The following CSMD3 variants were observed in gnomAD, a reference collection of about 807,000 sequenced individuals.
The protein encoded by CSMD3 is CUB and Sushi multiple domains 3, also known as CUB and sushi domain-containing protein 3.
In CSMD3, 177 loss-of-function variants were observed where a neutral mutation model predicts 435.2. The observed-to-expected ratio is 0.41, with a 90% CI of 0.36 to 0.46. The LOEUF is 0.46. Among genes scored for constraint, CSMD3 ranks in the 20% least tolerant of loss-of-function variants. The probability of loss-of-function intolerance (pLI) is 0.34; values close to 1 mark genes in which losing one functional copy is unlikely to be tolerated. For synonymous variants in CSMD3, 1,656 were observed against 1,520.5 expected, an observed-to-expected ratio of 1.09 and a Z score of -2.07; for missense variants, 4,265 against 4,504.6, an observed-to-expected ratio of 0.95 and a Z score of 1.52.
intron 3 of CSMD3, among the ~76,000 whole-genome samples, chr8:113,188,473 A>T (rs1275931913): frequency 6.6e-6 from 1 of 152,030 alleles, no homozygotes. Flanking sequence ...GATTGAAGCC[A>T]AGTACAATAA....
intron 17 of CSMD3, among the ~76,000 whole-genome samples, chr8:112,665,523 A>C (rs1374802042): frequency 2.0e-5 from 3 of 152,118 alleles, no homozygotes; most frequent in Non-Finnish European, 4.4e-5. Context: ...GTCAATAATA[A>C]ATATATTCTG....
At chr8:113,199,898 T>A (rs2092699480) in intron 3 of CSMD3, among the ~76,000 whole-genome samples, 1 of 151,926 alleles carries the variant, frequency 6.6e-6, no homozygotes, top group African/African-American at 2.4e-5. Flanking sequence ...TTGCTGGAGC[T>A]GCTCTTCCAG....
intron 38 of CSMD3, among the ~76,000 whole-genome samples, chr8:112,364,966 C>T (rs1270745031): frequency 6.6e-6 from 1 of 152,012 alleles, no homozygotes; most frequent in Non-Finnish European, 1.5e-5. Context: ...TTCAGCACAG[C>T]TACATTTGTT....
intron 4 of CSMD3, among the ~76,000 whole-genome samples, chr8:113,145,085 G>A (rs1166818424): frequency 6.6e-6 from 1 of 151,440 alleles, no homozygotes; most frequent in Non-Finnish European, 1.5e-5. Flanking sequence ...TCTGTGTGCA[G>A]AACTGATAAT....
chr8:112,937,576 C>G (rs1048658557), intron 9 of CSMD3, among the ~76,000 whole-genome samples: 16 of 152,026 alleles, frequency 1.1e-4, no homozygotes, highest in African/African-American at 3.9e-4. Flanking sequence ...GTCTTGAACT[C>G]CTGACCTCAG....
intron 1 of CSMD3, among the ~76,000 whole-genome samples, chr8:113,367,678 TCAAA>T (rs1359174494): frequency 6.6e-6 from 1 of 152,090 alleles, no homozygotes; most frequent in Non-Finnish European, 1.5e-5. Context: ...TTTATATTTC[TCAAA>T]CAAGCCAAGC....
At position 112,255,355 on chromosome 8, in the gene CSMD3, T is replaced by C. The variant is rs1200021177; in HGVS notation, c.9935A>G (p.Glu3312Gly). Residue 3312 changes from glutamate (E) to glycine (G), a missense_variant, in exon 62 of 71, where the codon GAG (glutamate) becomes GGG (glycine). By Grantham distance (98) the Glu-to-Gly change is moderately conservative. Around this residue, in one of 3 missense-constraint regions of CSMD3, gnomAD observed 3,255 missense variants for 3,380.2 expected, o/e 0.96. Coordinates refer to ENST00000297405, the MANE Select transcript of CSMD3 (RefSeq NM_198123.2). The stretch of plus-strand genomic sequence containing the variant: ...AGGAAAATTGCAGCTGAATGAAACC[T>C]CTGACTGGTATATAAAGCTTTTGCC... ...REGKSFIYQSEVSFSCNFPFI... is the reference protein window; with the variant it reads ...REGKSFIYQSGVSFSCNFPFI... 2 of 1,613,688 alleles carry C rather than the reference T, an allele frequency of 1.2e-6. No homozygotes were observed. The highest frequency in any genetic ancestry group is 1.7e-6 in the Non-Finnish European group (2 of 1,179,748).
At chr8:112,878,548 C>T (rs2081356168) in intron 10 of CSMD3, among the ~76,000 whole-genome samples, 1 of 152,076 alleles carries the variant, frequency 6.6e-6, no homozygotes, top group Non-Finnish European at 1.5e-5. Flanking sequence ...CCATTTGATC[C>T]AGCAATCTCA....
chr8:112,433,654 C>CAAAAAAAAAAAAAAAAA (rs35572894), intron 32 of CSMD3, among the ~76,000 whole-genome samples: 15 of 93,192 alleles, frequency 1.6e-4, no homozygotes, highest in South Asian at 4.2e-4. Context: ...GAGAACCTGT[C>CAAAAAAAAAAAAAAAAA]AAAAAAAAAA....
At chr8:112,724,937 A>G (rs910088998) in intron 13 of CSMD3, among the ~76,000 whole-genome samples, 1 of 152,062 alleles carries the variant, frequency 6.6e-6, no homozygotes, top group Non-Finnish European at 1.5e-5. Context: ...CAAAGAATCC[A>G]CTATTAGACT....
intron 27 of CSMD3, among the ~76,000 whole-genome samples, chr8:112,540,637 T>G (rs1372036256): frequency 6.6e-6 from 1 of 151,976 alleles, no homozygotes; most frequent in African/African-American, 2.4e-5. Context: ...GTAACATTGG[T>G]GGAGCTAGAG....
At chr8:113,003,120 C>T (rs187425466) in intron 6 of CSMD3, among the ~76,000 whole-genome samples, 4 of 152,134 alleles carry the variant, frequency 2.6e-5, no homozygotes, top group African/African-American at 4.8e-5. Context: ...TGGCACATGC[C>T]TATAATTCCA....
chr8:113,379,079 T>A (rs2094403334), intron 1 of CSMD3, among the ~76,000 whole-genome samples: 1 of 152,142 alleles, frequency 6.6e-6, no homozygotes, highest in Non-Finnish European at 1.5e-5. Flanking sequence ...ATTTACATTT[T>A]AAAAATCATT....
At chr8:112,386,336 C>G (rs942738528) in intron 36 of CSMD3, among the ~76,000 whole-genome samples, 4 of 151,988 alleles carry the variant, frequency 2.6e-5, no homozygotes, top group African/African-American at 9.7e-5. Flanking sequence ...CACTGGGATT[C>G]GAGGTACATT....
intron 10 of CSMD3, among the ~76,000 whole-genome samples, chr8:112,912,136 G>T (rs1260915004): frequency 6.7e-6 from 1 of 149,506 alleles, no homozygotes; most frequent in East Asian, 2.0e-4. Context: ...AACAATGGAT[G>T]ATTCTTCATT....
intron 36 of CSMD3, 130 bp from the exon 37 acceptor site, chr8:112,383,793 T>G: frequency 1.4e-6 from 1 of 699,832 alleles, no homozygotes; most frequent in Non-Finnish European, 2.6e-6. Flanking sequence ...CATAGAAGGG[T>G]TTTTAACAGA....
intron 11 of CSMD3, among the ~76,000 whole-genome samples, chr8:112,838,585 C>T (rs2080094259): frequency 6.6e-6 from 1 of 151,510 alleles, no homozygotes; most frequent in African/African-American, 2.4e-5. Flanking sequence ...TTTCCATACA[C>T]ATGAAAGCAT....
chr8:112,968,436 C>T (rs1405518390), intron 7 of CSMD3, among the ~76,000 whole-genome samples: 1 of 151,648 alleles, frequency 6.6e-6, no homozygotes, highest in Non-Finnish European at 1.5e-5. Flanking sequence ...TGAGAATTCA[C>T]TGCTTCTAGT....
chr8:112,303,234 A>T (rs1821101951), intron 52 of CSMD3, among the ~76,000 whole-genome samples: 1 of 152,128 alleles, frequency 6.6e-6, no homozygotes, highest in African/African-American at 2.4e-5. Flanking sequence ...AAATCCTGGG[A>T]AAAAAACTTG....
Sources: gnomAD v4.1 joint callset for allele counts (sites outside exome capture counted in the v4.1 genomes callset) on GRCh38, gnomAD v4.1.1 for gene constraint, gnomAD v4.1.1 regional missense constraint, MANE v1.5 for transcripts, NCBI Gene and HGNC (gene_info 2026-07-23, HGNC 2026-07-21) for gene names.